Variants in FREM3 observed in about 807,000 individuals in gnomAD.
The protein encoded by FREM3 is FRAS1 related extracellular matrix 3.
FREM3 carries 105 observed loss-of-function variants against 129.1 expected under a neutral mutation model. The observed-to-expected ratio is 0.81, with a 90% CI of 0.69 to 0.96. The LOEUF is 0.96. FREM3 is among the 40% of genes least tolerant of loss of function. FREM3 has a pLI of 0.00. For synonymous variants in FREM3, 1,014 were observed against 1,044.9 expected (o/e 0.97, Z 0.57); for missense variants, 2,593 against 2,666.3 (o/e 0.97, Z 0.61).
chr4:143,670,085 C>T (rs1739939740), intron 2 of FREM3, among the ~76,000 whole-genome samples: 2 of 152,034 alleles, frequency 1.3e-5, no homozygotes, highest in Non-Finnish European at 2.9e-5. Flanking sequence ...CCTGTGACTG[C>T]ATAGAATGTA....
At chr4:143,592,610 G>A (rs560522530) in intron 6 of FREM3, among the ~76,000 whole-genome samples, 1 of 152,188 alleles carries the variant, frequency 6.6e-6, no homozygotes, top group Non-Finnish European at 1.5e-5. Flanking sequence ...TGAGAGATCA[G>A]CAGTTAGTCT....
At chr4:143,578,755 A>G (rs1738082812) in intron 7 of FREM3, among the ~76,000 whole-genome samples, 2 of 152,248 alleles carry the variant, frequency 1.3e-5, no homozygotes, top group African/African-American at 4.8e-5. Flanking sequence ...GACATTCTAT[A>G]TAGTATAATA....
chr4:143,667,323 C>T (rs894045420), intron 2 of FREM3, among the ~76,000 whole-genome samples: 2 of 152,018 alleles, frequency 1.3e-5, no homozygotes, highest in South Asian at 2.1e-4. Flanking sequence ...ATTGATTTGT[C>T]TTTTCTCTCT....
At chr4:143,631,396 T>C (rs1739137805) in intron 2 of FREM3, among the ~76,000 whole-genome samples, 1 of 152,078 alleles carries the variant, frequency 6.6e-6, no homozygotes, top group Admixed American at 6.6e-5. Context: ...TAGGCTGGAG[T>C]GCGGTAGCAC....
chr4:143,665,143 C>G (rs1438986944), intron 2 of FREM3, among the ~76,000 whole-genome samples: 1 of 152,116 alleles, frequency 6.6e-6, no homozygotes, highest in Non-Finnish European at 1.5e-5. Flanking sequence ...GAATCCAGTA[C>G]CTCAGATGGA....
chr4:143,650,513 A>G (rs1739492585), intron 2 of FREM3, among the ~76,000 whole-genome samples: 1 of 152,182 alleles, frequency 6.6e-6, no homozygotes, highest in Non-Finnish European at 1.5e-5. Flanking sequence ...TATTTATTAT[A>G]GAGACCTTGC....
Position 143,657,986 on chromosome 4 carries a change from A to C in FREM3, c.5276-30226T>G, listed in dbSNP as rs373965280. ...CTACACCACATTTATTTAATAAAAA[A>C]ATCAATCCACTTCTCTCCACCCTTA... On this transcript the variant is annotated intron_variant, in intron 2 of 7. Coordinates refer to ENST00000329798, the MANE Select transcript of FREM3 (RefSeq NM_001168235.2). Among the ~76,000 whole-genome samples the C allele has an allele frequency of 7.3e-4, 111 of 152,286 alleles. 1 individual carries two copies. Among genetic ancestry groups the C allele is most frequent in the African/African-American group, 2.5e-3 (103 of 41,552 alleles).
intron 2 of FREM3, among the ~76,000 whole-genome samples, chr4:143,687,198 C>T (rs530366848): frequency 6.6e-6 from 1 of 152,136 alleles, no homozygotes; most frequent in African/African-American, 2.4e-5. Flanking sequence ...TACAAAAGAG[C>T]ATTCAAGGCT....
chr4:143,655,370 A>G (rs996722341), intron 2 of FREM3, among the ~76,000 whole-genome samples: 1 of 152,226 alleles, frequency 6.6e-6, no homozygotes, highest in Admixed American at 6.5e-5. Flanking sequence ...GAAACAGGGA[A>G]ATAGCATTAC....
At chr4:143,662,068 G>A (rs147834317) in intron 2 of FREM3, among the ~76,000 whole-genome samples, 1 of 151,460 alleles carries the variant, frequency 6.6e-6, no homozygotes, top group Non-Finnish European at 1.5e-5. Context: ...TTTTTGAAGG[G>A]TTTTTTGTGT....
At position 143,700,666 on chromosome 4, in the gene FREM3, C is replaced by A; in HGVS notation, c.10G>T (p.Ala4Ser). 1 of 1,426,702 alleles carries A rather than the reference C, an allele frequency of 7.0e-7. No individual in the cohort carries two copies. The highest frequency in any genetic ancestry group is 1.5e-5 in the South Asian group (1 of 66,976). The allele number at this position is 1,426,702 out of a possible 1,614,324, so 88.4% of individuals were successfully genotyped here. The stretch of plus-strand genomic sequence containing the variant: ...GGCGTCCCAGTCGGGTGCCGAGAAG[C>A]CCCCGCCATGGCCACGGATGGCTCC... MAG[A>S]SRHPTGTPRQ... The change falls in exon 1 of 8, where the codon GCT (alanine) becomes TCT (serine). Residue 4 changes from alanine to serine, a missense_variant. Physicochemically the swap from Ala to Ser is moderately conservative, Grantham distance 99. Transcript: ENST00000329798.
intron 2 of FREM3, among the ~76,000 whole-genome samples, chr4:143,677,709 C>A (rs1310793081): frequency 6.6e-6 from 1 of 152,040 alleles, no homozygotes; most frequent in Non-Finnish European, 1.5e-5. Context: ...AAACAACAAC[C>A]CCATCAAAAA....
At chr4:143,688,156 T>C (rs1435973022) in intron 2 of FREM3, among the ~76,000 whole-genome samples, 2 of 152,128 alleles carry the variant, frequency 1.3e-5, no homozygotes, top group Non-Finnish European at 2.9e-5. Flanking sequence ...ATAAAAGAAT[T>C]CAATAGAGTT....
At chr4:143,588,395 C>T (rs576479003) in intron 6 of FREM3, among the ~76,000 whole-genome samples, 6 of 146,906 alleles carry the variant, frequency 4.1e-5, no homozygotes, top group East Asian at 4.1e-4. Flanking sequence ...CCTCCCCCAT[C>T]CCCCCACCCC....
At chr4:143,601,537 G>A (rs1218206955) in intron 6 of FREM3, among the ~76,000 whole-genome samples, 1 of 152,142 alleles carries the variant, frequency 6.6e-6, no homozygotes, top group East Asian at 1.9e-4. Flanking sequence ...AGTATAAAGT[G>A]CTTATATATA....
chr4:143,594,488 A>G (rs1355252584), intron 6 of FREM3, among the ~76,000 whole-genome samples: 1 of 152,240 alleles, frequency 6.6e-6, no homozygotes, highest in Admixed American at 6.5e-5. Context: ...CAAAGTCTCA[A>G]GAATTTGTCA....
chr4:143,649,508 G>T (rs1022576823), intron 2 of FREM3, among the ~76,000 whole-genome samples: 1 of 152,114 alleles, frequency 6.6e-6, no homozygotes, highest in Non-Finnish European at 1.5e-5. Flanking sequence ...TTAATAATAA[G>T]ATCCTTCACA....
At chr4:143,605,866 A>G (rs2149838313) in intron 6 of FREM3, among the ~76,000 whole-genome samples, 1 of 152,288 alleles carries the variant, frequency 6.6e-6, no homozygotes, top group Admixed American at 6.5e-5. Flanking sequence ...GTGGTAATTT[A>G]ATGCCATTTC....
At chr4:143,587,986 C>G (rs1157068384) in intron 6 of FREM3, among the ~76,000 whole-genome samples, 1 of 152,162 alleles carries the variant, frequency 6.6e-6, no homozygotes, top group Non-Finnish European at 1.5e-5. Context: ...CATCCTCTGC[C>G]TTGATAAACT....
Sources: allele counts gnomAD v4.1 joint callset (sites outside exome capture counted in the v4.1 genomes callset), GRCh38; gene constraint gnomAD v4.1.1; transcripts MANE v1.5; gene names NCBI Gene and HGNC (gene_info 2026-07-23, HGNC 2026-07-21).